The following SGCE variants were observed in gnomAD, a reference collection of about 807,000 sequenced individuals.
SGCE encodes the protein sarcoglycan epsilon, also known as epsilon-sarcoglycan.
SGCE carries 26 observed loss-of-function variants against 57.8 expected under a neutral mutation model. The observed-to-expected ratio is 0.45, with a 90% CI of 0.33 to 0.62. The LOEUF is 0.62. SGCE is among the 20% of genes least tolerant of loss of function. SGCE has a pLI of 0.02. For missense variants in SGCE, 468 were observed against 548.6 expected, an observed-to-expected ratio of 0.85 and a Z score of 1.47; for synonymous variants, 183 against 189.5, an observed-to-expected ratio of 0.97 and a Z score of 0.28.
chr7:94,618,366 T>C (rs62465755), intron 5 of SGCE: 8,358 of 175,072 alleles, frequency 0.048, 288 homozygotes, highest in Non-Finnish European at 0.069. Context: ...GTGGAAAGAA[T>C]GTTAAAGATG....
chr7:94,604,344 CCTT>C (rs1222281286), intron 5 of SGCE, among the ~76,000 whole-genome samples: 1 of 151,868 alleles, frequency 6.6e-6, no homozygotes, highest in Non-Finnish European at 1.5e-5. Flanking sequence ...ATTCTAGCTG[CCTT>C]CTTTGCAGAA....
chr7:94,652,472 T>C (rs1381400930), intron 1 of SGCE, among the ~76,000 whole-genome samples: 1 of 152,192 alleles, frequency 6.6e-6, no homozygotes, highest in Non-Finnish European at 1.5e-5. Context: ...CAAGTCAGGA[T>C]TTCTTCACTA....
rs538215924 is a variant in SGCE, at chr7:94,611,301, A to G, written c.662+7457T>C. Among the ~76,000 whole-genome samples the G allele has an allele frequency of 3.9e-5, 6 of 152,346 alleles. No homozygotes were observed. In the South Asian group the frequency reaches 1.2e-3, roughly 32 times the overall value. Reference sequence around the variant, plus strand: ...AGATGGCATATCCATAAAATAGAATATTATTCCATGATTAAAAATGAAATA... The same window carrying G: ...AGATGGCATATCCATAAAATAGAATGTTATTCCATGATTAAAAATGAAATA... On this transcript the variant is annotated intron_variant, in intron 5 of 10. Transcript: ENST00000648936.
Position 94,608,751 on chromosome 7 carries a change from A to G in SGCE, c.663-5299T>C, listed in dbSNP as rs76875911. 5.2e-4 allele frequency among the ~76,000 whole-genome samples: 79 copies of G among 152,354 alleles called. 2 individuals carry two copies. The East Asian group carries it at 0.013, about 25-fold the overall frequency. ...AATAGATCAATGAAACAGAATACAC[A>G]TTTAGAAATAGACCCACATAAATCT... On this transcript the variant is annotated intron_variant, in intron 5 of 10. Transcript: ENST00000648936.
rs549905848 is a variant in SGCE, at chr7:94,602,283, T to G, written c.825+1007A>C. 5.3e-5 allele frequency among the ~76,000 whole-genome samples: 8 copies of G among 152,184 alleles called. No individual in the cohort carries two copies. The East Asian group carries it at 1.5e-3, about 29-fold the overall frequency. ...CCTATAATAATAATTTTACTTGATT[T>G]AGGAAGGCAAAGAAGGCCATTTTTC... On this transcript the variant is annotated intron_variant, in intron 6 of 10. Transcript: ENST00000648936.
intron 1 of SGCE, 104 bp downstream of exon 1, chr7:94,655,886 C>T: frequency 1.4e-6 from 1 of 717,266 alleles, no homozygotes; most frequent in Non-Finnish European, 2.5e-6. Context: ...GAAAGAGAGG[C>T]TGGTGCCCAA....
Position 94,588,673 on chromosome 7 carries a change from T to A in SGCE, c.1297+16A>T. 1 of 1,581,336 alleles carries A rather than the reference T, an allele frequency of 6.3e-7. No homozygotes were observed. The highest frequency in any genetic ancestry group is 8.7e-7 in the Non-Finnish European group (1 of 1,150,428). On this transcript the variant is annotated intron_variant, in intron 10 of 10. Coordinates refer to ENST00000648936, the MANE Select transcript of SGCE (RefSeq NM_003919.3). ...GATTCATTCATAAACATTAATTTAT[T>A]ATTCTTAGCACTCACCTGTAGTCTG... is the stretch of plus-strand genomic sequence containing the variant.
At chr7:94,589,841 T>A (rs1466563013) in intron 9 of SGCE, 2 of 166,018 alleles carry the variant, frequency 1.2e-5, no homozygotes, top group Non-Finnish European at 2.5e-5. Flanking sequence ...AATATTTCAT[T>A]ATATATTACA....
At chr7:94,601,476 A>AAAAAAC (rs1288229007) in intron 6 of SGCE, among the ~76,000 whole-genome samples, 2 of 134,948 alleles carry the variant, frequency 1.5e-5, no homozygotes, top group Non-Finnish European at 1.6e-5. Flanking sequence ...AAAAAAAAAA[A>AAAAAAC]CTACAACAGT....
chr7:94,591,181 A>G (rs1271846778), intron 9 of SGCE, among the ~76,000 whole-genome samples: 1 of 152,242 alleles, frequency 6.6e-6, no homozygotes, highest in East Asian at 1.9e-4. Context: ...AAAAGTAAAA[A>G]GATCAATTTA....
intron 10 of SGCE, chr7:94,587,799 C>A (rs1200824410): frequency 6.5e-7 from 1 of 1,547,398 alleles, no homozygotes; most frequent in Non-Finnish European, 8.7e-7. Context: ...GAAAAGTTGT[C>A]AAACGAAAAT....
chr7:94,639,502 T>C, intron 1 of SGCE: 1 of 1,077,746 alleles, frequency 9.3e-7, no homozygotes, highest in Non-Finnish European at 1.4e-6. Flanking sequence ...CATGATTTTT[T>C]AAAATGACTG....
Position 94,655,976 on chromosome 7 carries a change from C to T in SGCE, c.109+14G>A, listed in dbSNP as rs755246303. ...TTGGCCCCGGGACCTCCACGTCGCG[C>T]GCAGGCCACTAACCTGTCAGCAAGA... On this transcript the variant is annotated intron_variant, in intron 1 of 10. Coordinates refer to ENST00000648936, the MANE Select transcript of SGCE (RefSeq NM_003919.3). 1.6e-5 allele frequency: 24 copies of T among 1,545,552 alleles called. No individual in the cohort carries two copies. Among genetic ancestry groups the T allele is most frequent in the Non-Finnish European group, 2.0e-5 (22 of 1,118,568 alleles).
intron 4 of SGCE, chr7:94,619,325 T>C (rs1245857320): frequency 5.5e-6 from 1 of 182,054 alleles, no homozygotes; most frequent in African/African-American, 2.4e-5. Context: ...AAATCAATTA[T>C]ATGTCCAAAA....
chr7:94,649,178 T>C (rs1807540986), intron 1 of SGCE, among the ~76,000 whole-genome samples: 1 of 152,236 alleles, frequency 6.6e-6, no homozygotes, highest in Non-Finnish European at 1.5e-5. Flanking sequence ...TAAACATGCG[T>C]GGTTTTTAAA....
chr7:94,615,370 ATAGATAG>A, intron 5 of SGCE, among the ~76,000 whole-genome samples: 1 of 1,768 alleles, frequency 5.7e-4, no homozygotes, highest in East Asian at 0.029. Flanking sequence ...AAATAAATAG[ATAGATAG>A]ATAGATAGAT....
At chr7:94,644,942 C>T (rs1423105206) in intron 1 of SGCE, among the ~76,000 whole-genome samples, 1 of 152,200 alleles carries the variant, frequency 6.6e-6, no homozygotes, top group African/African-American at 2.4e-5. Flanking sequence ...GTGCTGGATA[C>T]TACACCAAGG....
chr7:94,605,848 ATT>A (rs1465052740), intron 5 of SGCE, among the ~76,000 whole-genome samples: 1 of 151,974 alleles, frequency 6.6e-6, no homozygotes, highest in Admixed American at 6.6e-5. Context: ...TTTTTATTTT[ATT>A]TTTGAGACAC....
chr7:94,631,345 G>A (rs1486966788), intron 1 of SGCE, among the ~76,000 whole-genome samples: 3 of 151,694 alleles, frequency 2.0e-5, no homozygotes, highest in Non-Finnish European at 4.4e-5. Flanking sequence ...CTGAATGTGA[G>A]GTGCTATGGG....
Sources: gnomAD v4.1 joint callset for allele counts (sites outside exome capture counted in the v4.1 genomes callset) on GRCh38, gnomAD v4.1.1 for gene constraint, MANE v1.5 for transcripts, NCBI Gene and HGNC (gene_info 2026-07-23, HGNC 2026-07-21) for gene names.